THSD7A: variants seen among roughly 807,000 people sequenced by gnomAD.
THSD7A encodes thrombospondin type-1 domain-containing protein 7A.
In THSD7A, 96 loss-of-function variants were observed where a neutral mutation model predicts 231.3. That is an observed-to-expected ratio of 0.41 (90% CI 0.35 to 0.49). The LOEUF (loss-of-function observed/expected upper bound fraction) is 0.49, where lower values mean the gene tolerates loss of function less well. THSD7A is among the 20% of genes least tolerant of loss of function. The pLI is 0.05. For synonymous variants in THSD7A, 940 were observed against 743.3 expected, an observed-to-expected ratio of 1.26 and a Z score of -4.30; for missense variants, 2,290 against 2,070.2, an observed-to-expected ratio of 1.11 and a Z score of -2.06.
At chr7:11,720,382 C>G (rs1051044961) in intron 1 of THSD7A, among the ~76,000 whole-genome samples, 1 of 151,728 alleles carries the variant, frequency 6.6e-6, no homozygotes, top group Non-Finnish European at 1.5e-5. Context: ...GAACTTGCCC[C>G]CAGTATGCTG....
chr7:11,802,667 T>G (rs1046183644), intron 1 of THSD7A, among the ~76,000 whole-genome samples: 1 of 152,188 alleles, frequency 6.6e-6, no homozygotes, highest in Non-Finnish European at 1.5e-5. Context: ...TTTTTATGAT[T>G]AAAGTGAGGA....
intron 22 of THSD7A, among the ~76,000 whole-genome samples, chr7:11,404,186 A>T (rs1023877687): frequency 4.6e-5 from 7 of 152,148 alleles, no homozygotes; most frequent in Non-Finnish European, 7.3e-5. Flanking sequence ...TGTTCTTTCC[A>T]TTAGAAAGTA....
At chr7:11,639,895 A>G (rs1782015156) in intron 1 of THSD7A, among the ~76,000 whole-genome samples, 2 of 152,168 alleles carry the variant, frequency 1.3e-5, no homozygotes, top group South Asian at 2.1e-4. Flanking sequence ...ATTACCTTAG[A>G]CAAGATAAGG....
chr7:11,532,319 T>C (rs1235784518), intron 6 of THSD7A, among the ~76,000 whole-genome samples: 2 of 151,864 alleles, frequency 1.3e-5, no homozygotes, highest in African/African-American at 4.8e-5. Context: ...AAAAATTAAG[T>C]TTGGGGTAAT....
At chr7:11,401,773 G>C (rs1365590368) in intron 23 of THSD7A, 22 bp downstream of exon 23, 1 of 1,596,404 alleles carries the variant, frequency 6.3e-7, no homozygotes, top group Non-Finnish European at 8.5e-7. Flanking sequence ...TTAAGATAGA[G>C]TATATGAACG....
Position 11,814,095 on chromosome 7 carries a change from C to T in THSD7A, c.190+17662G>A, listed in dbSNP as rs62435373. Among the ~76,000 whole-genome samples the T allele has an allele frequency of 0.061, 9,253 of 152,122 alleles. 348 individuals carry two copies. The highest frequency in any genetic ancestry group is 0.12 in the Admixed American group (1,865 of 15,280). On this transcript the variant is annotated intron_variant, in intron 1 of 27. Coordinates refer to ENST00000423059, the MANE Select transcript of THSD7A (RefSeq NM_015204.3). This position sits in a 1 kb window ranked among gnomAD's most constrained non-coding sequence, Gnocchi z 5.1. The stretch of plus-strand genomic sequence containing the variant: ...ATTCATATGAAAGGTCCAGACTAGG[C>T]GAATAGAGAAAAAGTAGATTGGTAT...
chr7:11,396,187 G>C (rs993031569), intron 23 of THSD7A, among the ~76,000 whole-genome samples: 1 of 152,168 alleles, frequency 6.6e-6, no homozygotes, highest in Non-Finnish European at 1.5e-5. Flanking sequence ...GCTCACAGGA[G>C]AAAGCAGGAA....
intron 4 of THSD7A, among the ~76,000 whole-genome samples, chr7:11,583,579 A>C (rs939481282): frequency 6.6e-6 from 1 of 152,026 alleles, no homozygotes; most frequent in African/African-American, 2.4e-5. Context: ...CCTGGCCTCT[A>C]TCTGCTATTT....
chr7:11,706,791 A>G (rs1441145410), intron 1 of THSD7A, among the ~76,000 whole-genome samples: 1 of 150,596 alleles, frequency 6.6e-6, no homozygotes, highest in Non-Finnish European at 1.5e-5. Context: ...TTAACAGAAA[A>G]TCATTAAAGT....
At chr7:11,805,372 G>T (rs1332240648) in intron 1 of THSD7A, among the ~76,000 whole-genome samples, 1 of 152,006 alleles carries the variant, frequency 6.6e-6, no homozygotes, top group East Asian at 1.9e-4. Context: ...TGATATTTTA[G>T]TTGTGGCTGT....
intron 6 of THSD7A, among the ~76,000 whole-genome samples, chr7:11,488,746 A>T (rs1314671540): frequency 6.6e-6 from 1 of 152,028 alleles, no homozygotes; most frequent in Non-Finnish European, 1.5e-5. Context: ...ATTAGCTGAA[A>T]ACCAACTTCC....
At chr7:11,709,809 G>A (rs1188848212) in intron 1 of THSD7A, among the ~76,000 whole-genome samples, 1 of 150,768 alleles carries the variant, frequency 6.6e-6, no homozygotes, top group Non-Finnish European at 1.5e-5. Context: ...TGTTTGTCAA[G>A]AAATGTAGAA....
At chr7:11,790,751 T>C (rs2128177884) in intron 1 of THSD7A, among the ~76,000 whole-genome samples, 1 of 152,048 alleles carries the variant, frequency 6.6e-6, no homozygotes, top group South Asian at 2.1e-4. Flanking sequence ...ATGCCACACA[T>C]AAATATAATT....
At chr7:11,422,063 G>A (rs1260245949) in intron 16 of THSD7A, among the ~76,000 whole-genome samples, 2 of 152,114 alleles carry the variant, frequency 1.3e-5, no homozygotes, top group East Asian at 1.9e-4. Flanking sequence ...AGAGATACAC[G>A]GTGTAGAACC....
chr7:11,637,588 C>T lies in THSD7A; in HGVS notation c.191-627G>A, dbSNP rs79902616. Among the ~76,000 whole-genome samples, 3 of 69,622 alleles carry T rather than the reference C, an allele frequency of 4.3e-5. No homozygotes were observed. The highest frequency in any genetic ancestry group is 3.6e-4 in the South Asian group (1 of 2,774). 45.7% of individuals were successfully genotyped at this position (69,622 alleles called of 152,430 possible). ...TTCTGCCTTTAAATTTACCAAATTT[C>T]CCCCCCATTTCCCAAGTGAAGTATA... is the stretch of plus-strand genomic sequence containing the variant. On this transcript the variant is annotated intron_variant, in intron 1 of 27. Coordinates refer to ENST00000423059, the MANE Select transcript of THSD7A (RefSeq NM_015204.3). The surrounding 1 kb of genome is among the most constrained non-coding windows in gnomAD (Gnocchi z 4.2).
At chr7:11,633,512 G>T (rs1781728013) in intron 2 of THSD7A, among the ~76,000 whole-genome samples, 1 of 152,114 alleles carries the variant, frequency 6.6e-6, no homozygotes, top group African/African-American at 2.4e-5. Flanking sequence ...AAGTGTCATT[G>T]GCTTGTCCCC....
intron 6 of THSD7A, among the ~76,000 whole-genome samples, chr7:11,499,938 G>A (rs1391523468): frequency 3.2e-4 from 48 of 152,106 alleles, no homozygotes; most frequent in Admixed American, 3.0e-3. Flanking sequence ...TTGCTAGAGA[G>A]GCCAACAGTC....
At chr7:11,712,881 C>T (rs1477115956) in intron 1 of THSD7A, among the ~76,000 whole-genome samples, 1 of 150,960 alleles carries the variant, frequency 6.6e-6, no homozygotes, top group Non-Finnish European at 1.5e-5. Context: ...AATTCATTCC[C>T]AGAGCAGAAA....
chr7:11,775,522 A>G (rs908463125), intron 1 of THSD7A, among the ~76,000 whole-genome samples: 8 of 152,236 alleles, frequency 5.3e-5, no homozygotes, highest in Non-Finnish European at 8.8e-5. Flanking sequence ...CTTAAAAGTA[A>G]GGAAATTGTG....
Sources: gnomAD v4.1 joint callset for allele counts (sites outside exome capture counted in the v4.1 genomes callset) on GRCh38, gnomAD v4.1.1 for gene constraint, Gnocchi (gnomAD v3.1) non-coding constraint, MANE v1.5 for transcripts, NCBI Gene and HGNC (gene_info 2026-07-23, HGNC 2026-07-21) for gene names.